The following NRG1 variants were observed in gnomAD, a reference collection of about 807,000 sequenced individuals.
The protein encoded by NRG1 is neuregulin 1.
Under a neutral mutation model 63.8 loss-of-function variants are expected in NRG1, and 18 were observed. That is an observed-to-expected ratio of 0.28 (90% CI 0.19 to 0.42). NRG1 has a LOEUF of 0.42. NRG1 is among the 10% of genes least tolerant of loss of function. The probability of loss-of-function intolerance (pLI) is 1.00; values close to 1 mark genes in which losing one functional copy is unlikely to be tolerated. For missense variants in NRG1, 762 were observed against 814.7 expected (o/e 0.94, Z 0.79); for synonymous variants, 302 against 301.3 (o/e 1.00, Z -0.02).
chr8:32,220,534 A>C (rs1417690976), intron 1 of NRG1, among the ~76,000 whole-genome samples: 1 of 152,206 alleles, frequency 6.6e-6, no homozygotes, highest in Admixed American at 6.5e-5. Context: ...AATGAAAATA[A>C]AAAGCCCCAT....
intron 1 of NRG1, among the ~76,000 whole-genome samples, chr8:31,735,770 T>C (rs1458726456): frequency 1.3e-5 from 2 of 152,184 alleles, no homozygotes; most frequent in Non-Finnish European, 2.9e-5. Context: ...TCCCACAGCC[T>C]CGCAAGATGG....
At chr8:31,675,052 T>TA (rs1467514082) in intron 1 of NRG1, among the ~76,000 whole-genome samples, 1 of 152,064 alleles carries the variant, frequency 6.6e-6, no homozygotes, top group Non-Finnish European at 1.5e-5. Flanking sequence ...TTAAAAGAAA[T>TA]AAAAAAGTGG....
At position 32,365,917 on chromosome 8, in the gene NRG1, G is replaced by A. The variant is rs114743713; in HGVS notation, c.38-229911G>A. ...TACACAACATTATTTTTTATAGGTA[G>A]GTCTTGTACAAAACTCTCCATTTGA... On this transcript the variant is annotated intron_variant, in intron 1 of 10. Coordinates refer to the NRG1 transcript ENST00000519301. Among the ~76,000 whole-genome samples, 329 of 152,144 alleles carry A rather than the reference G, an allele frequency of 2.2e-3. 2 individuals carry two copies. The highest frequency in any genetic ancestry group is 7.8e-3 in the African/African-American group (323 of 41,510).
At chr8:32,285,600 T>C (rs1023832133) in intron 1 of NRG1, among the ~76,000 whole-genome samples, 7 of 152,200 alleles carry the variant, frequency 4.6e-5, no homozygotes, top group African/African-American at 1.4e-4. Flanking sequence ...ATCTCCAGGA[T>C]TGGCTGAGGT....
At chr8:32,477,249 C>A (rs1420488706) in intron 1 of NRG1, among the ~76,000 whole-genome samples, 1 of 152,136 alleles carries the variant, frequency 6.6e-6, no homozygotes, top group East Asian at 1.9e-4. Context: ...AAGCCGGCTG[C>A]AAGATGGCAT....
intron 6 of NRG1, among the ~76,000 whole-genome samples, chr8:32,732,799 C>CTTTTTTTT (rs1173388613): frequency 1.8e-3 from 147 of 83,346 alleles, no homozygotes; most frequent in Non-Finnish European, 2.0e-3. Context: ...TGTTTAATTT[C>CTTTTTTTT]TTTTTTTTTT....
chr8:31,989,253 C>CA lies in NRG1; in HGVS notation c.37+349842dup, dbSNP rs10692906. Among the ~76,000 whole-genome samples the CA allele has an allele frequency of 1.7e-4, 8 of 47,528 alleles. 1 individual carries two copies. The highest frequency in any genetic ancestry group is 1.4e-3 in the South Asian group (1 of 710). 31.2% of individuals were successfully genotyped at this position (47,528 alleles called of 152,430 possible). On this transcript the variant is annotated intron_variant, in intron 1 of 10. Coordinates refer to the NRG1 transcript ENST00000519301. ...CCTGGGTGAGAGAGAGACTCTGTCTCAAAAAAAAAAAAAAAAAAAAGAACA... is the reference window on the plus strand; with the variant it reads ...CCTGGGTGAGAGAGAGACTCTGTCTCAAAAAAAAAAAAAAAAAAAAAGAACA...
intron 1 of NRG1, among the ~76,000 whole-genome samples, chr8:31,729,697 A>AT (rs1232119609): frequency 6.6e-6 from 1 of 152,158 alleles, no homozygotes; most frequent in Non-Finnish European, 1.5e-5. Context: ...CAGAATACAT[A>AT]CTATGTAAGA....
chr8:31,938,982 A>G (rs925562371), intron 1 of NRG1, among the ~76,000 whole-genome samples: 4 of 152,238 alleles, frequency 2.6e-5, no homozygotes, highest in Non-Finnish European at 5.9e-5. Flanking sequence ...AAGTTTGGAA[A>G]GCATATTTGA....
intron 1 of NRG1, among the ~76,000 whole-genome samples, chr8:31,871,953 T>C (rs1829525669): frequency 6.6e-6 from 1 of 152,206 alleles, no homozygotes; most frequent in African/African-American, 2.4e-5. Flanking sequence ...GATCCTGTTT[T>C]GTGAAGCATT....
At chr8:32,071,721 G>A (rs1825782723) in intron 1 of NRG1, among the ~76,000 whole-genome samples, 1 of 152,186 alleles carries the variant, frequency 6.6e-6, no homozygotes, top group South Asian at 2.1e-4. Flanking sequence ...AGCAGGTGCA[G>A]TGGTGTTTGA....
chr8:32,083,421 T>G (rs6996630), intron 1 of NRG1, among the ~76,000 whole-genome samples: 147,991 of 152,282 alleles, frequency 0.97, 72,056 homozygotes, highest in East Asian at 1. Context: ...GTGTTGCAGG[T>G]TGGGGTGTGG....
chr8:32,273,946 A>C (rs929949278), intron 1 of NRG1, among the ~76,000 whole-genome samples: 3 of 152,200 alleles, frequency 2.0e-5, no homozygotes, highest in African/African-American at 7.2e-5. Context: ...AGTTTTATGC[A>C]TGAAAATTAA....
intron 5 of NRG1, among the ~76,000 whole-genome samples, chr8:32,719,556 C>T (rs188255203): frequency 3.0e-3 from 448 of 151,842 alleles, no homozygotes; most frequent in Non-Finnish European, 5.0e-3. Context: ...TAATGATAAC[C>T]CCTTAATATT....
intron 1 of NRG1, among the ~76,000 whole-genome samples, chr8:32,194,198 G>T (rs1445229116): frequency 6.6e-6 from 1 of 152,184 alleles, no homozygotes; most frequent in African/African-American, 2.4e-5. Context: ...GCTTCTGACA[G>T]AAAGTCCCCA....
chr8:31,710,597 TG>T (rs889768303), intron 1 of NRG1, among the ~76,000 whole-genome samples: 1 of 152,066 alleles, frequency 6.6e-6, no homozygotes, highest in African/African-American at 2.4e-5. Flanking sequence ...TGTTGTTTTT[TG>T]CATCATTTTG....
intron 5 of NRG1, among the ~76,000 whole-genome samples, chr8:32,714,581 A>G (rs1375947691): frequency 6.6e-6 from 1 of 152,236 alleles, no homozygotes; most frequent in African/African-American, 2.4e-5. Context: ...AAGAGCTTTG[A>G]TAAAAGGAGT....
intron 1 of NRG1, among the ~76,000 whole-genome samples, chr8:32,502,238 G>A (rs1285897634): frequency 6.6e-6 from 1 of 151,712 alleles, no homozygotes; most frequent in Non-Finnish European, 1.5e-5. Flanking sequence ...GAGCAACAGA[G>A]GGTAAGGGGT....
chr8:31,668,630 G>A (rs1806795253), intron 1 of NRG1, among the ~76,000 whole-genome samples: 3 of 152,216 alleles, frequency 2.0e-5, no homozygotes, highest in Admixed American at 1.3e-4. Context: ...GGAGGATGGT[G>A]TGGGCAGGGG....
Sources: gnomAD v4.1 joint callset for allele counts (sites outside exome capture counted in the v4.1 genomes callset) on GRCh38, gnomAD v4.1.1 for gene constraint, MANE v1.5 for transcripts, NCBI Gene and HGNC (gene_info 2026-07-23, HGNC 2026-07-21) for gene names.